Variants in LUZP2 observed in about 807,000 individuals in gnomAD.
LUZP2 encodes the protein leucine zipper protein 2.
LUZP2 carries 52 observed loss-of-function variants against 51.6 expected under a neutral mutation model. That is an observed-to-expected ratio of 1.01 (90% CI 0.81 to 1.27). The LOEUF (loss-of-function observed/expected upper bound fraction) is 1.27. Ranked by LOEUF, LUZP2 falls within the 50% of genes most tolerant of loss-of-function variation. The pLI is 0.00. For synonymous variants in LUZP2, 154 were observed against 137.3 expected (o/e 1.12, Z -0.85); for missense variants, 436 against 395.4 (o/e 1.10, Z -0.87).
chr11:25,018,981 A>G (rs1460633489), intron 9 of LUZP2, among the ~76,000 whole-genome samples: 2 of 152,174 alleles, frequency 1.3e-5, no homozygotes, highest in Non-Finnish European at 2.9e-5. Context: ...GAAAGTAAAG[A>G]GAGTTCCCAA....
At chr11:24,896,957 G>A (rs1853084303) in intron 5 of LUZP2, among the ~76,000 whole-genome samples, 1 of 152,166 alleles carries the variant, frequency 6.6e-6, no homozygotes, top group East Asian at 1.9e-4. Flanking sequence ...TCTGTGTCTA[G>A]CTCAAGGTTT....
At chr11:24,748,029 G>A (rs1859442833) in intron 4 of LUZP2, among the ~76,000 whole-genome samples, 1 of 152,144 alleles carries the variant, frequency 6.6e-6, no homozygotes, top group Non-Finnish European at 1.5e-5. Context: ...TTCCTGTGGA[G>A]TCTGCAAGCT....
intron 9 of LUZP2, among the ~76,000 whole-genome samples, chr11:24,996,412 G>C (rs1004279131): frequency 1.1e-4 from 17 of 151,434 alleles, no homozygotes; most frequent in African/African-American, 3.6e-4. Context: ...TTCACTTCAT[G>C]AATAATTCTT....
intron 1 of LUZP2, among the ~76,000 whole-genome samples, chr11:24,699,555 C>T (rs920326218): frequency 1.3e-5 from 2 of 151,614 alleles, no homozygotes; most frequent in African/African-American, 4.8e-5. Flanking sequence ...AAGGAAAGCA[C>T]ACAGAAGTTT....
At chr11:24,780,458 T>C (rs1162306327) in intron 5 of LUZP2, among the ~76,000 whole-genome samples, 2 of 152,176 alleles carry the variant, frequency 1.3e-5, no homozygotes, top group African/African-American at 2.4e-5. Flanking sequence ...AATAAACTTA[T>C]ATGATAGTTG....
intron 1 of LUZP2, among the ~76,000 whole-genome samples, chr11:24,627,345 A>G (rs1300510767): frequency 6.6e-6 from 1 of 152,166 alleles, no homozygotes; most frequent in Non-Finnish European, 1.5e-5. Context: ...AGCTATAAGA[A>G]GAAAGCTTAT....
chr11:24,571,172 G>T (rs2133800316), intron 1 of LUZP2, among the ~76,000 whole-genome samples: 1 of 152,194 alleles, frequency 6.6e-6, no homozygotes, highest in African/African-American at 2.4e-5. Flanking sequence ...ATCCAGAAAG[G>T]CAGTGTTGCT....
chr11:24,566,623 T>TAC (rs753647707), intron 1 of LUZP2, among the ~76,000 whole-genome samples: 2,733 of 145,252 alleles, frequency 0.019, 44 homozygotes, highest in Non-Finnish European at 0.027. Flanking sequence ...TGTATAGATA[T>TAC]ACACACACAC....
intron 4 of LUZP2, among the ~76,000 whole-genome samples, chr11:24,755,425 A>G (rs12279481): frequency 0.024 from 3,607 of 152,230 alleles, 143 homozygotes; most frequent in African/African-American, 0.081. Context: ...CTGAGCTCAG[A>G]CAGACTCACA....
chr11:24,720,460 T>C (rs1219199505), intron 1 of LUZP2, among the ~76,000 whole-genome samples: 1 of 152,222 alleles, frequency 6.6e-6, no homozygotes, highest in East Asian at 1.9e-4. Context: ...TAATCATACA[T>C]GTGAGATGGA....
chr11:24,939,243 C>CT (rs1220472304), intron 7 of LUZP2, among the ~76,000 whole-genome samples: 1 of 152,028 alleles, frequency 6.6e-6, no homozygotes, highest in South Asian at 2.1e-4. Flanking sequence ...ACTTGTTTAA[C>CT]TTTTTTTGTT....
At chr11:24,943,027 C>G (rs1854797594) in intron 7 of LUZP2, among the ~76,000 whole-genome samples, 1 of 152,184 alleles carries the variant, frequency 6.6e-6, no homozygotes, top group Non-Finnish European at 1.5e-5. Context: ...ATACCCTGAA[C>G]TGTGTACAAC....
chr11:25,015,989 C>T (rs1263252629), intron 9 of LUZP2, among the ~76,000 whole-genome samples: 8 of 149,872 alleles, frequency 5.3e-5, no homozygotes, highest in East Asian at 4.0e-4. Flanking sequence ...GGTGCAATCT[C>T]GGCTCACTGC....
chr11:24,719,931 T>C (rs1858197872), intron 1 of LUZP2, among the ~76,000 whole-genome samples: 1 of 152,144 alleles, frequency 6.6e-6, no homozygotes, highest in Non-Finnish European at 1.5e-5. Context: ...AGTAGAGTCA[T>C]TGGCTGATGA....
chr11:24,839,518 T>C (rs1282015617), intron 5 of LUZP2, among the ~76,000 whole-genome samples: 1 of 151,746 alleles, frequency 6.6e-6, no homozygotes, highest in Non-Finnish European at 1.5e-5. Flanking sequence ...CTACTGAATT[T>C]AGTACTTTAG....
At chr11:24,785,993 G>C (rs1487653125) in intron 5 of LUZP2, 1 of 985,124 alleles carries the variant, frequency 1.0e-6, no homozygotes, top group African/African-American at 1.7e-5. Flanking sequence ...CTTCACATTT[G>C]ACCCTTCAAG....
chr11:24,532,376 G>T (rs2133826788), intron 1 of LUZP2, among the ~76,000 whole-genome samples: 1 of 150,940 alleles, frequency 6.6e-6, no homozygotes. Flanking sequence ...AAAATTAGTT[G>T]ACATTTGTCA....
At chr11:24,526,021 A>T (rs982585137) in intron 1 of LUZP2, among the ~76,000 whole-genome samples, 1 of 151,458 alleles carries the variant, frequency 6.6e-6, no homozygotes, top group Non-Finnish European at 1.5e-5. Flanking sequence ...AGCATACATT[A>T]CCAAATACTG....
chr11:24,899,214 TA>T (rs1853191764), intron 5 of LUZP2, among the ~76,000 whole-genome samples: 1 of 152,166 alleles, frequency 6.6e-6, no homozygotes, highest in African/African-American at 2.4e-5. Flanking sequence ...GTGTCTTTTA[TA>T]ATTTTATAAT....
Sources: gnomAD v4.1 joint callset for allele counts (sites outside exome capture counted in the v4.1 genomes callset) on GRCh38, gnomAD v4.1.1 for gene constraint, MANE v1.5 for transcripts, NCBI Gene and HGNC (gene_info 2026-07-23, HGNC 2026-07-21) for gene names.